Variants in TENM3 observed in about 807,000 individuals in gnomAD.
TENM3 encodes teneurin-3.
In TENM3, 63 loss-of-function variants were observed where a neutral mutation model predicts 255.1. The observed-to-expected ratio is 0.25, with a 90% CI of 0.20 to 0.30. The LOEUF is 0.30. Among genes scored for constraint, TENM3 ranks in the 10% least tolerant of loss-of-function variants. The pLI is 1.00. For synonymous variants in TENM3, 1,306 were observed against 1,322.3 expected (o/e 0.99, Z 0.27); for missense variants, 2,929 against 3,461.1 (o/e 0.85, Z 3.86).
the TENM3 span, among the ~76,000 whole-genome samples, chr4:181,936,583 TG>T: frequency 1.3e-5 from 2 of 152,178 alleles, no homozygotes; most frequent in African/African-American, 4.8e-5. Flanking sequence ...GCCAGCCATC[TG>T]GGGGTGAACA....
At chr4:181,481,464 A>G in the TENM3 span, among the ~76,000 whole-genome samples, 1 of 152,206 alleles carries the variant, frequency 6.6e-6, no homozygotes, top group African/African-American at 2.4e-5. Context: ...ATATTTCAAT[A>G]AATGTGCTAC....
chr4:182,121,873 T>C, the TENM3 span, among the ~76,000 whole-genome samples: 1 of 152,234 alleles, frequency 6.6e-6, no homozygotes, highest in Admixed American at 6.5e-5. Context: ...TTCTCCATAG[T>C]GTGTGATGCT....
At chr4:181,734,310 A>AT in the TENM3 span, among the ~76,000 whole-genome samples, 20 of 148,912 alleles carry the variant, frequency 1.3e-4, no homozygotes, top group African/African-American at 3.2e-4. Context: ...TGTTTTGCTC[A>AT]TTTTTTTTTT....
chr4:182,428,335 G>A (rs1771383294), intron 3 of TENM3, among the ~76,000 whole-genome samples: 1 of 152,120 alleles, frequency 6.6e-6, no homozygotes, highest in East Asian at 1.9e-4. Context: ...GTTCACTCAA[G>A]GAAGTGAGAG....
intron 22 of TENM3, among the ~76,000 whole-genome samples, chr4:182,770,202 G>A (rs559449118): frequency 6.6e-6 from 1 of 152,038 alleles, no homozygotes; most frequent in Non-Finnish European, 1.5e-5. Flanking sequence ...GAAACGATGG[G>A]AGTAACGGGT....
the TENM3 span, among the ~76,000 whole-genome samples, chr4:181,577,148 A>T: frequency 7.4e-6 from 1 of 135,250 alleles, no homozygotes; most frequent in African/African-American, 2.8e-5. Flanking sequence ...ATATATAATT[A>T]ATATATATAT....
the TENM3 span, among the ~76,000 whole-genome samples, chr4:182,136,898 T>C: frequency 6.6e-6 from 1 of 152,228 alleles, no homozygotes; most frequent in Non-Finnish European, 1.5e-5. Context: ...CAACTCAGAA[T>C]TGTGGAATCT....
At chr4:181,708,677 C>T in the TENM3 span, among the ~76,000 whole-genome samples, 2 of 151,518 alleles carry the variant, frequency 1.3e-5, no homozygotes, top group Non-Finnish European at 2.9e-5. Context: ...TCAATCTTGG[C>T]TATGCCTTTA....
intron 2 of TENM3, among the ~76,000 whole-genome samples, chr4:182,341,945 TC>T (rs1246521831): frequency 3.9e-5 from 6 of 152,168 alleles, no homozygotes; most frequent in African/African-American, 1.4e-4. Flanking sequence ...GAACTCCAAG[TC>T]CCACATAAAG....
the TENM3 span, among the ~76,000 whole-genome samples, chr4:181,564,948 T>C: frequency 0.019 from 2,968 of 152,294 alleles, 90 homozygotes; most frequent in African/African-American, 0.066. Flanking sequence ...GGAGCCAGCA[T>C]GGAATTCATC....
chr4:181,489,430 G>A, the TENM3 span, among the ~76,000 whole-genome samples: 1 of 152,064 alleles, frequency 6.6e-6, no homozygotes, highest in Non-Finnish European at 1.5e-5. Context: ...TTCAAATAAG[G>A]CTGAGACTAA....
chr4:181,982,837 T>A, the TENM3 span, among the ~76,000 whole-genome samples: 2 of 152,190 alleles, frequency 1.3e-5, no homozygotes, highest in Non-Finnish European at 2.9e-5. Flanking sequence ...GTTTTTATAA[T>A]GCTCAAAAGA....
intron 3 of TENM3, among the ~76,000 whole-genome samples, chr4:182,591,180 T>C (rs1002279987): frequency 2.0e-5 from 3 of 152,142 alleles, no homozygotes; most frequent in Non-Finnish European, 4.4e-5. Context: ...GCAAGGAAGT[T>C]GGCAGTTAGG....
chr4:182,391,404 A>C (rs1169382788), intron 3 of TENM3, among the ~76,000 whole-genome samples: 1 of 152,168 alleles, frequency 6.6e-6, no homozygotes, highest in Non-Finnish European at 1.5e-5. Flanking sequence ...ATAATTTTTC[A>C]TCAAAGTTAC....
intron 3 of TENM3, among the ~76,000 whole-genome samples, chr4:182,596,215 T>C (rs1439694577): frequency 6.6e-6 from 1 of 152,214 alleles, no homozygotes; most frequent in Non-Finnish European, 1.5e-5. Context: ...AATTACCTTA[T>C]AGTTAAAGGC....
At chr4:182,464,033 G>A (rs575208084) in intron 3 of TENM3, among the ~76,000 whole-genome samples, 223 of 152,166 alleles carry the variant, frequency 1.5e-3, no homozygotes, top group Non-Finnish European at 2.3e-3. Flanking sequence ...AGGAATAAAT[G>A]CTCTTAAATA....
chr4:182,511,828 ATAT>A (rs1737429616), intron 3 of TENM3, among the ~76,000 whole-genome samples: 1 of 152,236 alleles, frequency 6.6e-6, no homozygotes, highest in Non-Finnish European at 1.5e-5. Flanking sequence ...AAAAAAATTA[ATAT>A]TTATTGATTA....
At chr4:182,229,597 C>T (rs959670052) in intron 1 of TENM3, among the ~76,000 whole-genome samples, 5 of 150,038 alleles carry the variant, frequency 3.3e-5, no homozygotes, top group East Asian at 1.9e-4. Flanking sequence ...ACTGTGTGTG[C>T]GTGTGTATGT....
At chr4:182,607,821 C>T (rs765541736) in intron 4 of TENM3, among the ~76,000 whole-genome samples, 6 of 152,072 alleles carry the variant, frequency 3.9e-5, no homozygotes, top group Non-Finnish European at 8.8e-5. Context: ...TTTGGATAAC[C>T]GTAATCTATA....
Sources: allele counts gnomAD v4.1 joint callset (sites outside exome capture counted in the v4.1 genomes callset), GRCh38; gene constraint gnomAD v4.1.1; transcripts MANE v1.5; gene names NCBI Gene and HGNC (gene_info 2026-07-23, HGNC 2026-07-21).